Variants in METTL22 observed in about 807,000 individuals in gnomAD.
METTL22 encodes methyltransferase 22, Kin17 lysine, also known as methyltransferase-like protein 22.
Under a neutral mutation model 48.4 loss-of-function variants are expected in METTL22, and 51 were observed. The ratio of observed to expected loss-of-function variants is 1.05; its 90% CI spans 0.84 to 1.33. METTL22 has a LOEUF of 1.33. METTL22 is among the 40% of genes most tolerant of loss of function. The pLI is 0.00. For missense variants in METTL22, 678 were observed against 526.9 expected, an observed-to-expected ratio of 1.29 and a Z score of -2.81; for synonymous variants, 255 against 214.1, an observed-to-expected ratio of 1.19 and a Z score of -1.67.
At chr16:8,657,805 TTTTTC>T in the METTL22 span, among the ~76,000 whole-genome samples, 2 of 145,022 alleles carry the variant, frequency 1.4e-5, no homozygotes, top group Non-Finnish European at 3.0e-5. Context: ...GTGTCCTTCT[TTTTTC>T]TTTTCTTTTC....
rs2056826377 is a variant in METTL22, at chr16:8,647,557, G to T, written c.*1414G>T. 6.6e-6 allele frequency: 1 copy of T among 151,510 alleles called. No homozygotes were observed. Among genetic ancestry groups the T allele is most frequent in the South Asian group, 2.1e-4 (1 of 4,800 alleles). 9.4% of individuals were successfully genotyped at this position (151,510 alleles called of 1,614,324 possible). Reference sequence around the variant, plus strand: ...CGGGTGCCACCAGTATCCAGTGGGTGAGGCCAGAGATGCTGCTGAACGTTC... The same window carrying T: ...CGGGTGCCACCAGTATCCAGTGGGTTAGGCCAGAGATGCTGCTGAACGTTC... On this transcript the variant is annotated 3_prime_UTR_variant, in exon 11 of 11. Coordinates refer to ENST00000381920, the MANE Select transcript of METTL22 (RefSeq NM_024109.4).
chr16:8,625,442 A>T, intron 1 of METTL22, 54 bp from the exon 2 acceptor site: 2 of 383,550 alleles, frequency 5.2e-6, no homozygotes, highest in South Asian at 1.7e-4. Flanking sequence ...AATGAATATA[A>T]AATGAATATA....
the METTL22 span, among the ~76,000 whole-genome samples, chr16:8,663,225 A>AAAAAGT: frequency 8.1e-6 from 1 of 123,468 alleles, no homozygotes; most frequent in Non-Finnish European, 1.6e-5. Context: ...AAAAAAAAAA[A>AAAAAGT]GGTAGCCAAG....
chr16:8,665,239 G>A, the METTL22 span, among the ~76,000 whole-genome samples: 1 of 152,188 alleles, frequency 6.6e-6, no homozygotes, highest in African/African-American at 2.4e-5. Context: ...TAAGGAGATC[G>A]AGGCTGCAGT....
chr16:8,663,848 C>G, the METTL22 span, among the ~76,000 whole-genome samples: 1 of 152,104 alleles, frequency 6.6e-6, no homozygotes, highest in African/African-American at 2.4e-5. Context: ...TCAGCACTGC[C>G]AACGTGTTGG....
intron 1 of METTL22, among the ~76,000 whole-genome samples, chr16:8,622,861 C>T (rs937981052): frequency 2.0e-5 from 3 of 152,102 alleles, no homozygotes; most frequent in African/African-American, 7.2e-5. Flanking sequence ...TCTTGGGAAG[C>T]CTGGTTGGGT....
chr16:8,641,044 G>A (rs1166997195), intron 6 of METTL22, 87 bp from the exon 7 acceptor site: 8 of 1,277,650 alleles, frequency 6.3e-6, no homozygotes, highest in Admixed American at 1.9e-5. Context: ...GTGGATAGAT[G>A]GATCTTCATA....
intron 6 of METTL22, among the ~76,000 whole-genome samples, chr16:8,639,992 CA>C (rs1160049223): frequency 6.6e-6 from 1 of 152,198 alleles, no homozygotes; most frequent in Non-Finnish European, 1.5e-5. Flanking sequence ...CTCCTCCCGG[CA>C]AGTCCTCATC....
At chr16:8,650,501 G>C (rs2141835052), downstream of METTL22, among the ~76,000 whole-genome samples, 1 of 152,318 alleles carries the variant, frequency 6.6e-6, no homozygotes, top group African/African-American at 2.4e-5. Flanking sequence ...TACAAACTTA[G>C]GGAAGAAATA....
intron 3 of METTL22, chr16:8,631,654 C>T (rs2056268907): frequency 6.6e-6 from 1 of 152,212 alleles, no homozygotes; most frequent in Non-Finnish European, 1.5e-5. Flanking sequence ...TCCTGCAGGT[C>T]TAGAGACCCA....
chr16:8,625,330 T>C (rs1469849016), intron 1 of METTL22, among the ~76,000 whole-genome samples, 166 bp from the exon 2 acceptor site: 14 of 152,034 alleles, frequency 9.2e-5, no homozygotes. Flanking sequence ...AATTTTTTTG[T>C]AATAAGTTGA....
At chr16:8,656,125 A>T in the METTL22 span, among the ~76,000 whole-genome samples, 2 of 152,172 alleles carry the variant, frequency 1.3e-5, no homozygotes, top group Non-Finnish European at 1.5e-5. Context: ...ACTGGAGTGC[A>T]GTGGCTATTC....
chr16:8,646,635 A>G lies in METTL22; in HGVS notation c.*492A>G, dbSNP rs143844607. On this transcript the variant is annotated 3_prime_UTR_variant, in exon 11 of 11. Transcript: ENST00000381920. Reference sequence around the variant, plus strand: ...ACCCCATCACTCTGGTGAGGGCCCCATGAGAAGGAAGAGGCAGGAGCTGGC... The same window carrying G: ...ACCCCATCACTCTGGTGAGGGCCCCGTGAGAAGGAAGAGGCAGGAGCTGGC... The G allele has an allele frequency of 5.3e-4, 243 of 459,170 alleles. No individual in the cohort carries two copies. Among genetic ancestry groups the G allele is most frequent in the African/African-American group, 3.8e-3 (193 of 50,286 alleles). The allele number at this position is 459,170 out of a possible 1,614,324, so 28.4% of individuals were successfully genotyped here.
intron 5 of METTL22, among the ~76,000 whole-genome samples, chr16:8,638,202 T>C (rs1267317827): frequency 6.6e-6 from 1 of 152,130 alleles, no homozygotes; most frequent in Non-Finnish European, 1.5e-5. Context: ...AGTATTCTCT[T>C]GGCCTAGGAG....
At chr16:8,638,968 A>T in intron 5 of METTL22, 123 bp from the exon 6 acceptor site, 1 of 922,226 alleles carries the variant, frequency 1.1e-6, no homozygotes, top group Non-Finnish European at 1.7e-6. Context: ...TAAGACACAT[A>T]GGAGAAACGT....
chr16:8,664,972 G>A, the METTL22 span, among the ~76,000 whole-genome samples: 1 of 152,070 alleles, frequency 6.6e-6, no homozygotes, highest in African/African-American at 2.4e-5. Context: ...CAGAAACTGA[G>A]GGTCCCTGGG....
chr16:8,666,690 G>C, the METTL22 span: 5 of 151,984 alleles, frequency 3.3e-5, no homozygotes, highest in African/African-American at 1.2e-4. Context: ...GTCACAGCCA[G>C]AATATGAGCC....
At chr16:8,622,821 T>C (rs2055900764) in intron 1 of METTL22, among the ~76,000 whole-genome samples, 1 of 152,202 alleles carries the variant, frequency 6.6e-6, no homozygotes, top group East Asian at 1.9e-4. Flanking sequence ...GGAATCTCCT[T>C]CATCTGGAAC....
chr16:8,626,183 G>T (rs75145780), intron 2 of METTL22, among the ~76,000 whole-genome samples: 2,215 of 152,158 alleles, frequency 0.015, 44 homozygotes, highest in African/African-American at 0.051. Flanking sequence ...TGTAGAGCTG[G>T]AGTCTTGCTA....
Sources: allele counts gnomAD v4.1 joint callset (sites outside exome capture counted in the v4.1 genomes callset), GRCh38; gene constraint gnomAD v4.1.1; transcripts MANE v1.5; gene names NCBI Gene and HGNC (gene_info 2026-07-23, HGNC 2026-07-21).